Variants in ILRUN observed in about 807,000 individuals in gnomAD.
The protein encoded by ILRUN is inflammation and lipid regulator with UBA-like and NBR1-like domains.
Under a neutral mutation model 33.8 loss-of-function variants are expected in ILRUN, and 3 were observed. The observed-to-expected ratio is 0.09, with a 90% confidence interval of 0.04 to 0.23. The LOEUF (loss-of-function observed/expected upper bound fraction) is 0.23, where lower values mean the gene tolerates loss of function less well. Among genes scored for constraint, ILRUN ranks in the 10% least tolerant of loss-of-function variants. ILRUN has a pLI of 1.00. For missense variants in ILRUN, 210 were observed against 375.1 expected (o/e 0.56, Z 3.64); for synonymous variants, 124 against 138.9 (o/e 0.89, Z 0.75).
chr6:34,696,671 G>A lies in ILRUN; in HGVS notation c.-68C>T, dbSNP rs1363313736. 2 of 1,536,362 alleles carry A rather than the reference G, an allele frequency of 1.3e-6. No homozygotes were observed. Among genetic ancestry groups the A allele is most frequent in the Admixed American group, 1.9e-5 (1 of 52,774 alleles). Reference sequence around the variant, plus strand: ...GCCGCCGCCGCGCCGCCGGGCCCGGGGACCTGGAGGGGGGCCGCTGCTAGC... The same window carrying A: ...GCCGCCGCCGCGCCGCCGGGCCCGGAGACCTGGAGGGGGGCCGCTGCTAGC... On this transcript the variant is annotated 5_prime_UTR_variant, in exon 1 of 5. Coordinates refer to ENST00000374023, the MANE Select transcript of ILRUN (RefSeq NM_024294.4).
At chr6:34,631,289 G>A (rs1034193235) in intron 3 of ILRUN, among the ~76,000 whole-genome samples, 4 of 151,486 alleles carry the variant, frequency 2.6e-5, no homozygotes, top group Non-Finnish European at 4.4e-5. Context: ...TACACTCCTG[G>A]ACTATGAACT....
chr6:34,608,680 A>C (rs969856248), intron 3 of ILRUN, among the ~76,000 whole-genome samples: 1 of 151,772 alleles, frequency 6.6e-6, no homozygotes, highest in African/African-American at 2.4e-5. Flanking sequence ...TTATGGGACC[A>C]CCATCACTGA....
chr6:34,669,262 T>C (rs909257324), intron 1 of ILRUN, among the ~76,000 whole-genome samples: 1 of 150,160 alleles, frequency 6.7e-6, no homozygotes, highest in Non-Finnish European at 1.5e-5. Context: ...TAGCTGGGAC[T>C]AAAGGTATGT....
intron 3 of ILRUN, among the ~76,000 whole-genome samples, chr6:34,627,702 C>T (rs1391268785): frequency 7.2e-5 from 10 of 138,788 alleles, no homozygotes; most frequent in Non-Finnish European, 1.1e-4. Context: ...AGGTCTTTGG[C>T]CCTTTTTTTT....
chr6:34,629,310 A>G (rs1368697535), intron 3 of ILRUN, among the ~76,000 whole-genome samples: 1 of 152,148 alleles, frequency 6.6e-6, no homozygotes, highest in Non-Finnish European at 1.5e-5. Context: ...TTATTCCATG[A>G]TATCTAGGTT....
rs147265412 is a variant in ILRUN, at chr6:34,693,153, G to A, written c.158+3293C>T. Among the ~76,000 whole-genome samples, 147 of 151,954 alleles carry A rather than the reference G, an allele frequency of 9.7e-4. 1 individual carries two copies. The East Asian group carries it at 0.026, about 27-fold the overall frequency. On this transcript the variant is annotated intron_variant, in intron 1 of 4. Coordinates refer to ENST00000374023, the MANE Select transcript of ILRUN (RefSeq NM_024294.4). Reference sequence around the variant, plus strand: ...CAAAAATACAGTATTAGATTATGACGCTATCTTTCATAAGAAAAAAAAATG... The same window carrying A: ...CAAAAATACAGTATTAGATTATGACACTATCTTTCATAAGAAAAAAAAATG...
chr6:34,647,252 CAAG>C (rs1186984241), intron 2 of ILRUN, among the ~76,000 whole-genome samples: 2 of 152,156 alleles, frequency 1.3e-5, no homozygotes, highest in Non-Finnish European at 2.9e-5. Context: ...ATGAAACACA[CAAG>C]GAGTAATTTC....
chr6:34,637,867 T>TGCTGC (rs1344437933), intron 3 of ILRUN, among the ~76,000 whole-genome samples: 103 of 61,068 alleles, frequency 1.7e-3, no homozygotes, highest in African/African-American at 7.2e-3. Context: ...GCTGCTGCTG[T>TGCTGC]TGTTGTTGTT....
At chr6:34,595,765 GT>G (rs1233893196) in intron 4 of ILRUN, 3 of 985,202 alleles carry the variant, frequency 3.0e-6, no homozygotes, top group African/African-American at 1.7e-5. Flanking sequence ...AAATAAGAAG[GT>G]TCACACAGGT....
intron 1 of ILRUN, among the ~76,000 whole-genome samples, chr6:34,695,244 T>C (rs144240144): frequency 2.3e-3 from 355 of 152,266 alleles, no homozygotes; most frequent in African/African-American, 8.0e-3. Flanking sequence ...GTTGTGCAAG[T>C]GATGCCAAGA....
intron 4 of ILRUN, among the ~76,000 whole-genome samples, chr6:34,605,545 C>A (rs1479534504): frequency 6.6e-6 from 1 of 151,994 alleles, no homozygotes; most frequent in Non-Finnish European, 1.5e-5. Flanking sequence ...AGGAGAATTT[C>A]TTGAGCCCGG....
At chr6:34,691,258 A>G (rs971719287) in intron 1 of ILRUN, among the ~76,000 whole-genome samples, 11 of 152,224 alleles carry the variant, frequency 7.2e-5, no homozygotes, top group Non-Finnish European at 1.5e-4. Flanking sequence ...GCCCAATAGT[A>G]TCTCTGAAAG....
intron 3 of ILRUN, among the ~76,000 whole-genome samples, chr6:34,613,925 C>A (rs559776600): frequency 6.6e-6 from 1 of 152,180 alleles, no homozygotes; most frequent in Admixed American, 6.5e-5. Flanking sequence ...GCTGATTCTG[C>A]GGCTAGGGCA....
At chr6:34,652,081 T>C (rs953237453) in intron 2 of ILRUN, among the ~76,000 whole-genome samples, 2 of 152,142 alleles carry the variant, frequency 1.3e-5, no homozygotes, top group African/African-American at 4.8e-5. Flanking sequence ...TGTGAGCCAC[T>C]GCACCCAGCC....
At chr6:34,650,246 A>C (rs963758138) in intron 2 of ILRUN, among the ~76,000 whole-genome samples, 1 of 152,104 alleles carries the variant, frequency 6.6e-6, no homozygotes, top group African/African-American at 2.4e-5. Flanking sequence ...TTAACTCCCA[A>C]AGTTTCCTGC....
In ILRUN at chr6:34,694,763, A is replaced by C. The variant is rs568932136; in HGVS notation, c.158+1683T>G. 5.9e-5 allele frequency among the ~76,000 whole-genome samples: 9 copies of C among 152,320 alleles called. No homozygotes were observed. In the South Asian group the frequency reaches 1.9e-3, roughly 32 times the overall value. ...CATCAAAGATGATGCACAGAAAAAA[A>C]AAATGGCGGGGCATAGTGGCTCACA... On this transcript the variant is annotated intron_variant, in intron 1 of 4. Transcript: ENST00000374023.
chr6:34,661,336 A>C (rs953577456), intron 1 of ILRUN, among the ~76,000 whole-genome samples: 1 of 152,226 alleles, frequency 6.6e-6, no homozygotes, highest in African/African-American at 2.4e-5. Context: ...TTACATAAAG[A>C]AAGCAAATAT....
chr6:34,613,731 CG>C (rs1761807919), intron 3 of ILRUN, among the ~76,000 whole-genome samples: 1 of 152,144 alleles, frequency 6.6e-6, no homozygotes, highest in South Asian at 2.1e-4. Context: ...TGAAGAAATA[CG>C]GAATCAGTTG....
At chr6:34,685,298 G>C (rs1363283199) in intron 1 of ILRUN, 1 of 152,102 alleles carries the variant, frequency 6.6e-6, no homozygotes, top group Non-Finnish European at 1.5e-5. Flanking sequence ...TAAGGAAAAG[G>C]ATAAATTGAC....
Sources: gnomAD v4.1 joint callset for allele counts (sites outside exome capture counted in the v4.1 genomes callset) on GRCh38, gnomAD v4.1.1 for gene constraint, MANE v1.5 for transcripts, NCBI Gene and HGNC (gene_info 2026-07-23, HGNC 2026-07-21) for gene names.